The following LEMD3 variants were observed in gnomAD, a reference collection of about 807,000 sequenced individuals.
The protein encoded by LEMD3 is LEM domain containing 3, also known as inner nuclear membrane protein Man1.
LEMD3 carries 33 observed loss-of-function variants against 95.2 expected under a neutral mutation model. That is an observed-to-expected ratio of 0.35 (90% CI 0.26 to 0.46). LEMD3 has a LOEUF of 0.46. Among genes scored for constraint, LEMD3 ranks in the 20% least tolerant of loss-of-function variants. The pLI, the probability that LEMD3 is intolerant of heterozygous loss-of-function variation, is 1.00. For missense variants in LEMD3, 1,210 were observed against 1,192.8 expected (o/e 1.01, Z -0.21); for synonymous variants, 525 against 474.6 (o/e 1.11, Z -1.38).
At chr12:65,217,561 T>C (rs943542891) in intron 3 of LEMD3, among the ~76,000 whole-genome samples, 2 of 152,224 alleles carry the variant, frequency 1.3e-5, no homozygotes, top group Non-Finnish European at 2.9e-5. Flanking sequence ...TCTACTTTCA[T>C]GTTAACAAGC....
chr12:65,242,380 G>T (rs1870963686), intron 9 of LEMD3, among the ~76,000 whole-genome samples: 1 of 151,808 alleles, frequency 6.6e-6, no homozygotes, highest in South Asian at 2.1e-4. Flanking sequence ...TACCATATTG[G>T]GATAACTCCC....
At chr12:65,231,567 T>TCC (rs1870630812) in intron 4 of LEMD3, among the ~76,000 whole-genome samples, 1 of 151,996 alleles carries the variant, frequency 6.6e-6, no homozygotes, top group Admixed American at 6.6e-5. Context: ...CATGGCTCTG[T>TCC]AGACCCTCTG....
chr12:65,200,452 C>G (rs1592441366), intron 1 of LEMD3, among the ~76,000 whole-genome samples: 1 of 152,110 alleles, frequency 6.6e-6, no homozygotes, highest in East Asian at 1.9e-4. Flanking sequence ...CACCAAGAAC[C>G]AGGATGACTC....
intron 1 of LEMD3, among the ~76,000 whole-genome samples, chr12:65,187,358 G>T (rs959767608): frequency 6.6e-6 from 1 of 152,052 alleles, no homozygotes; most frequent in African/African-American, 2.4e-5. Context: ...GCTTGTGTGT[G>T]TGCCTCTGTC....
At chr12:65,230,348 A>G (rs903790631) in intron 4 of LEMD3, among the ~76,000 whole-genome samples, 2 of 152,214 alleles carry the variant, frequency 1.3e-5, no homozygotes, top group East Asian at 1.9e-4. Flanking sequence ...TGGTATTGTA[A>G]TAGGGATTGC....
rs1871142380 is a variant in LEMD3 at position 65,247,264 on chromosome 12, A to G, written c.*939A>G. The G allele has an allele frequency of 6.6e-6, 1 of 152,592 alleles. No individual in the cohort carries two copies. Among genetic ancestry groups the G allele is most frequent in the South Asian group, 2.1e-4 (1 of 4,838 alleles). The allele number at this position is 152,592 out of a possible 1,614,324, so 9.5% of individuals were successfully genotyped here. On this transcript the variant is annotated 3_prime_UTR_variant, in exon 13 of 13. Transcript: ENST00000308330. Reference sequence around the variant, plus strand: ...AGAAATTGGCAGATATTGGAAAAATATTTTGTGAAAAGCTGTATTTATTAT... The same window carrying G: ...AGAAATTGGCAGATATTGGAAAAATGTTTTGTGAAAAGCTGTATTTATTAT...
intron 1 of LEMD3, among the ~76,000 whole-genome samples, chr12:65,202,073 G>A (rs568120537): frequency 6.7e-6 from 1 of 149,602 alleles, no homozygotes; most frequent in East Asian, 2.0e-4. Flanking sequence ...GTGCAATGGT[G>A]CAATCTCGGC....
intron 1 of LEMD3, among the ~76,000 whole-genome samples, chr12:65,209,068 A>G (rs1015998224): frequency 6.6e-6 from 1 of 152,162 alleles, no homozygotes; most frequent in Admixed American, 6.6e-5. Context: ...GAAATAAAGA[A>G]GAGTGCCGAG....
chr12:65,196,952 C>T (rs1426768235), intron 1 of LEMD3, among the ~76,000 whole-genome samples: 3 of 152,126 alleles, frequency 2.0e-5, no homozygotes, highest in Non-Finnish European at 4.4e-5. Context: ...ATGAATTGGG[C>T]AGCACTCAGA....
At chr12:65,240,293 C>T in intron 8 of LEMD3, 55 bp downstream of exon 8, 1 of 1,264,418 alleles carries the variant, frequency 7.9e-7, no homozygotes, top group Non-Finnish European at 1.2e-6. Context: ...GTGCTTTCTG[C>T]AGTATTGAAA....
At chr12:65,205,230 A>G (rs1371263545) in intron 1 of LEMD3, among the ~76,000 whole-genome samples, 1 of 152,112 alleles carries the variant, frequency 6.6e-6, no homozygotes, top group African/African-American at 2.4e-5. Context: ...CCCTCCCTCA[A>G]CACATGGGGA....
intron 10 of LEMD3, among the ~76,000 whole-genome samples, chr12:65,244,285 A>ACACACACC (rs1555196167): frequency 6.9e-6 from 1 of 144,916 alleles, no homozygotes; most frequent in Non-Finnish European, 1.5e-5. Flanking sequence ...ACACACACAC[A>ACACACACC]CCCCCCCCAC....
At chr12:65,206,620 G>A (rs1034264146) in intron 1 of LEMD3, among the ~76,000 whole-genome samples, 3 of 152,076 alleles carry the variant, frequency 2.0e-5, no homozygotes, top group African/African-American at 7.2e-5. Flanking sequence ...TGAACAGAGT[G>A]CCATGGCCTG....
chr12:65,240,318 T>G (rs1256724931), intron 8 of LEMD3, 80 bp downstream of exon 8: 11 of 1,074,302 alleles, frequency 1.0e-5, no homozygotes, highest in Non-Finnish European at 1.2e-5. Context: ...TATTGAGAGC[T>G]GTGACCCTTC....
intron 1 of LEMD3, among the ~76,000 whole-genome samples, chr12:65,203,538 G>A (rs1189053948): frequency 6.6e-6 from 1 of 152,010 alleles, no homozygotes; most frequent in Non-Finnish European, 1.5e-5. Flanking sequence ...AATTTGTTAT[G>A]GCATGTTTTA....
At chr12:65,232,791 T>C (rs1474777743) in intron 4 of LEMD3, among the ~76,000 whole-genome samples, 3 of 152,168 alleles carry the variant, frequency 2.0e-5, no homozygotes, top group Non-Finnish European at 2.9e-5. Flanking sequence ...GTATAACTTT[T>C]TATGGAATAA....
At chr12:65,216,624 T>A (rs1870119148) in intron 3 of LEMD3, among the ~76,000 whole-genome samples, 1 of 151,954 alleles carries the variant, frequency 6.6e-6, no homozygotes, top group South Asian at 2.1e-4. Flanking sequence ...TACCTTTTTT[T>A]AGTTCTTTTT....
At chr12:65,173,626 GTAT>G (rs969594364) in intron 1 of LEMD3, among the ~76,000 whole-genome samples, 1 of 152,064 alleles carries the variant, frequency 6.6e-6, no homozygotes, top group Non-Finnish European at 1.5e-5. Flanking sequence ...ACATAAGGTG[GTAT>G]TATTCAGAAA....
Position 65,170,164 on chromosome 12 carries a change from C to G in LEMD3, c.568C>G (p.Arg190Gly), listed in dbSNP as rs780300500. ...GGTGACTAACAGCAACTCTGCAGAG[C>G]GAAGGAAGCCCCACTCGTGGTGGGG... Reference protein sequence around the residue: ...SEVTNSNSAERRKPHSWWGAR... With the variant: ...SEVTNSNSAEGRKPHSWWGAR... Residue 190 changes from arginine (R) to glycine (G), a missense_variant, in exon 1 of 13, where the codon CGA becomes GGA. By Grantham distance (125) the Arg-to-Gly change is moderately radical. Transcript: ENST00000308330. 1.3e-6 allele frequency: 2 copies of G among 1,489,230 alleles called. No individual in the cohort carries two copies. Among genetic ancestry groups the G allele is most frequent in the Admixed American group, 2.6e-5 (1 of 38,134 alleles). 92.3% of individuals were successfully genotyped at this position (1,489,230 alleles called of 1,614,324 possible).
Sources: gnomAD v4.1 joint callset for allele counts (sites outside exome capture counted in the v4.1 genomes callset) on GRCh38, gnomAD v4.1.1 for gene constraint, MANE v1.5 for transcripts, NCBI Gene and HGNC (gene_info 2026-07-23, HGNC 2026-07-21) for gene names.